Variants in PKHD1L1 observed in about 807,000 individuals in gnomAD.
PKHD1L1 encodes the protein PKHD1 like 1, also known as fibrocystin-L.
A neutral mutation model predicts 462.9 loss-of-function variants in PKHD1L1; 434 were observed. The observed-to-expected ratio is 0.94, with a 90% CI of 0.87 to 1.02. PKHD1L1 has a LOEUF of 1.02. Among genes scored for constraint, PKHD1L1 ranks in the 50% least tolerant of loss-of-function variants. The pLI, the probability that PKHD1L1 is intolerant of heterozygous loss-of-function variation, is 0.00. For synonymous variants in PKHD1L1, 1,781 were observed against 1,750.0 expected, an observed-to-expected ratio of 1.02 and a Z score of -0.44; for missense variants, 5,202 against 5,096.1, an observed-to-expected ratio of 1.02 and a Z score of -0.63.
At chr8:109,380,905 CT>C (rs1261530472) in intron 2 of PKHD1L1, among the ~76,000 whole-genome samples, 1 of 152,034 alleles carries the variant, frequency 6.6e-6, no homozygotes, top group Non-Finnish European at 1.5e-5. Context: ...CTTAGCCTAC[CT>C]TTTTCATGGT....
At position 109,445,459 on chromosome 8, in the gene PKHD1L1, A is replaced by T. The variant is rs569246567; in HGVS notation, c.5590A>T (p.Thr1864Ser). The T allele has an allele frequency of 6.2e-7, 1 of 1,613,948 alleles. No homozygotes were observed. Among genetic ancestry groups the T allele is most frequent in the East Asian group, 2.2e-5 (1 of 44,868 alleles). Residue 1864 changes from threonine to serine, a missense_variant, in exon 38 of 78, where the codon ACT (threonine) becomes TCT (serine). By Grantham distance (58) the Thr-to-Ser change is moderately conservative. This residue lies in a region of PKHD1L1 where 4,497 missense variants were observed against 4,336.8 expected (regional missense o/e 1.04). Transcript: ENST00000378402. ...NGFYPGNTTV[T>S]IGDEPCQIIS... Reference sequence around the variant, plus strand: ...CTTCTATCCAGGCAACACTACAGTCACTATTGGGGATGAACCTTGTCAAAT... The same window carrying T: ...CTTCTATCCAGGCAACACTACAGTCTCTATTGGGGATGAACCTTGTCAAAT...
rs868655774 is a variant in PKHD1L1 at position 109,444,123 on chromosome 8, C to G, written c.4791+221C>G. Among the ~76,000 whole-genome samples the G allele has an allele frequency of 1.5e-4, 10 of 65,994 alleles. No homozygotes were observed. The East Asian group carries it at 1.8e-3, about 12-fold the overall frequency. The allele number at this position is 65,994 out of a possible 152,430, so 43.3% of individuals were successfully genotyped here. ...AGAACATTTTCATTACCTCCCCCCC[C>G]CAAAAAAAACCCTAAAGCCCTTAGA... On this transcript the variant is annotated intron_variant, in intron 37 of 77. Transcript: ENST00000378402.
chr8:109,461,438 CATTG>C (rs1277687451), intron 47 of PKHD1L1, among the ~76,000 whole-genome samples: 1 of 152,104 alleles, frequency 6.6e-6, no homozygotes, highest in Non-Finnish European at 1.5e-5. Context: ...TATAAAATTG[CATTG>C]ATTATGTTAA....
chr8:109,419,607 A>C (rs763887619), intron 22 of PKHD1L1, among the ~76,000 whole-genome samples: 1 of 152,192 alleles, frequency 6.6e-6, no homozygotes, highest in Non-Finnish European at 1.5e-5. Context: ...CCAAAATGCA[A>C]CTACTGACAT....
intron 23 of PKHD1L1, among the ~76,000 whole-genome samples, chr8:109,421,586 T>A (rs1044185973): frequency 6.6e-6 from 1 of 151,926 alleles, no homozygotes; most frequent in Non-Finnish European, 1.5e-5. Flanking sequence ...ATCGAGACCA[T>A]CCGGGCTAAC....
Position 109,491,939 on chromosome 8 carries a change from G to A in PKHD1L1, c.10181G>A (p.Gly3394Glu), listed in dbSNP as rs1818850457. The change falls in exon 62 of 78, where the codon GGA (glycine) becomes GAA (glutamate). Residue 3394 changes from glycine (G) to glutamate (E), a missense_variant. Around this residue, in one of 3 missense-constraint regions of PKHD1L1, gnomAD observed 4,497 missense variants for 4,336.8 expected, o/e 1.04. Transcript: ENST00000378402. Reference protein sequence around the residue: ...GNLIALSVWPGTYQNRKDLSS... With the variant: ...GNLIALSVWPETYQNRKDLSS... ...TTGATTGCACTTTCGGTTTGGCCAG[G>A]AACCTATCAGAACAGAAAAGATTTA... The A allele has an allele frequency of 1.3e-6, 2 of 1,599,370 alleles. No homozygotes were observed. Among genetic ancestry groups the A allele is most frequent in the Non-Finnish European group, 1.7e-6 (2 of 1,170,718 alleles).
chr8:109,375,836 G>C (rs1487475184), intron 2 of PKHD1L1, among the ~76,000 whole-genome samples: 2 of 152,192 alleles, frequency 1.3e-5, no homozygotes, highest in Non-Finnish European at 2.9e-5. Context: ...AACCGCAGAT[G>C]CTGCTGCCTG....
chr8:109,508,359 T>C (rs1227702459), intron 70 of PKHD1L1, 95 bp downstream of exon 70: 3 of 1,297,136 alleles, frequency 2.3e-6, no homozygotes, highest in East Asian at 4.7e-5. Context: ...CCCACACAAC[T>C]AGCAAACATC....
At chr8:109,519,142 C>T (rs1417676417) in intron 73 of PKHD1L1, among the ~76,000 whole-genome samples, 1 of 152,088 alleles carries the variant, frequency 6.6e-6, no homozygotes, top group Admixed American at 6.6e-5. Flanking sequence ...TGTGCAAGTA[C>T]ATAATCTGTC....
intron 6 of PKHD1L1, 44 bp from the exon 7 acceptor site, chr8:109,388,453 T>G: frequency 7.3e-7 from 1 of 1,371,886 alleles, no homozygotes; most frequent in Non-Finnish European, 1.0e-6. Flanking sequence ...TGAAACAATT[T>G]GTTAAACATA....
chr8:109,428,249 G>A (rs1309167542), intron 25 of PKHD1L1, among the ~76,000 whole-genome samples: 1 of 152,024 alleles, frequency 6.6e-6, no homozygotes, highest in Non-Finnish European at 1.5e-5. Context: ...TAGGCACAAA[G>A]GTAGTCACTG....
chr8:109,412,371 A>G lies in PKHD1L1; in HGVS notation c.2192A>G (p.Asn731Ser). The G allele has an allele frequency of 1.9e-6, 3 of 1,613,598 alleles. No homozygotes were observed. The highest frequency in any genetic ancestry group is 1.7e-6 in the Non-Finnish European group (2 of 1,179,618). ...TTTGACTCAGCAGATGTTAAACCAA[A>G]CAGACGACCATATGGAGATATTTTA... ...VLFDSADVKP[N>S]RRPYGDILLF... Residue 731 changes from asparagine (N) to serine (S), a missense_variant, in exon 20 of 78, where the codon AAC becomes AGC. Physicochemically the swap from Asn to Ser is conservative, Grantham distance 46 (BLOSUM62 1). Coordinates refer to ENST00000378402, the MANE Select transcript of PKHD1L1 (RefSeq NM_177531.6).
intron 49 of PKHD1L1, among the ~76,000 whole-genome samples, 168 bp from the exon 50 acceptor site, chr8:109,466,410 G>A (rs1223783916): frequency 6.6e-6 from 1 of 152,128 alleles, no homozygotes; most frequent in Non-Finnish European, 1.5e-5. Flanking sequence ...CCACTGCAAA[G>A]CTTCTGTATG....
In PKHD1L1 at chr8:109,396,038, A is replaced by AT; in HGVS notation, c.827dup (p.Ser278PhefsTer19). 1 of 1,598,498 alleles carries AT rather than the reference A, an allele frequency of 6.3e-7. No individual in the cohort carries two copies. The highest frequency in any genetic ancestry group is 8.5e-7 in the Non-Finnish European group (1 of 1,172,262). The stretch of plus-strand genomic sequence containing the variant: ...TGGTTTTCCCCCAGAGGTCACCATG[A>AT]TTTTCCCTTCACAAGGAAGCATTCG... On this transcript the variant is annotated frameshift_variant, in exon 11 of 78. Transcript: ENST00000378402. LOFTEE classifies it high-confidence loss of function.
At chr8:109,452,074 C>T in intron 41 of PKHD1L1, 50 bp from the exon 42 acceptor site, 1 of 1,537,854 alleles carries the variant, frequency 6.5e-7, no homozygotes, top group Non-Finnish European at 8.8e-7. Context: ...ACAGTGTGAT[C>T]TAGATATTTG....
chr8:109,518,378 G>GGC lies in PKHD1L1; in HGVS notation c.11901_11902insGC (p.Ile3968AlafsTer12). 4 of 1,613,288 alleles carry GGC rather than the reference G, an allele frequency of 2.5e-6. No homozygotes were observed. The highest frequency in any genetic ancestry group is 2.5e-6 in the Non-Finnish European group (3 of 1,179,516). ...TTAAAAATCTTGCCTTGTTCCTAAA[G>GGC]ATACCAAGTGACAAAATCCGTATCA... On this transcript the variant is annotated frameshift_variant, in exon 73 of 78. Transcript: ENST00000378402. LOFTEE classifies it high-confidence loss of function.
chr8:109,383,398 A>T (rs1586398335), intron 4 of PKHD1L1, among the ~76,000 whole-genome samples: 1 of 116,560 alleles, frequency 8.6e-6, no homozygotes, highest in East Asian at 2.3e-4. Flanking sequence ...TATATTATAT[A>T]TTACGTATAA....
Position 109,408,030 on chromosome 8 carries a change from G to C in PKHD1L1, c.1814-19G>C. ...TTATTAGTTAATGTCTACAAATTCT[G>C]TTTGTCACTTAATTTCAGGAGACTT... On this transcript the variant is annotated intron_variant, in intron 17 of 77. Transcript: ENST00000378402. 1.3e-6 allele frequency: 2 copies of C among 1,560,194 alleles called. No homozygotes were observed. Among genetic ancestry groups the C allele is most frequent in the Non-Finnish European group, 1.7e-6 (2 of 1,150,496 alleles).
In PKHD1L1 at chr8:109,428,652, T is replaced by C. The variant is rs147793234; in HGVS notation, c.3001-688T>C. Reference sequence around the variant, plus strand: ...CTCCCTTGGTGTCTCTGCTGGTGTCTGTGCATCTACTCTCTTCCATCTTTT... The same window carrying C: ...CTCCCTTGGTGTCTCTGCTGGTGTCCGTGCATCTACTCTCTTCCATCTTTT... On this transcript the variant is annotated intron_variant, in intron 25 of 77. Transcript: ENST00000378402. Among the ~76,000 whole-genome samples, 70 of 152,324 alleles carry C rather than the reference T, an allele frequency of 4.6e-4. 1 individual carries two copies. In the East Asian group the frequency reaches 0.013, roughly 28 times the overall value.
Sources: allele counts gnomAD v4.1 joint callset (sites outside exome capture counted in the v4.1 genomes callset), GRCh38; gene constraint gnomAD v4.1.1; regional missense constraint gnomAD v4.1.1; transcripts MANE v1.5; gene names NCBI Gene and HGNC (gene_info 2026-07-23, HGNC 2026-07-21).